The following MYCT1 variants were observed in gnomAD, a reference collection of about 807,000 sequenced individuals.
MYCT1 encodes the protein MYC target 1.
In MYCT1, 12 loss-of-function variants were observed where a neutral mutation model predicts 15.0. The observed-to-expected ratio is 0.80, with a 90% confidence interval of 0.51 to 1.29. The LOEUF is 1.29. MYCT1 is among the 50% of genes most tolerant of loss of function. The pLI is 0.00. For synonymous variants in MYCT1, 104 were observed against 102.7 expected (o/e 1.01, Z -0.07); for missense variants, 287 against 279.1 (o/e 1.03, Z -0.20).
rs1230790746 is a variant in MYCT1 at position 152,722,487 on chromosome 6, T to C, written c.*234T>C. 2.1e-6 allele frequency: 1 copy of C among 467,806 alleles called. No individual in the cohort carries two copies. The highest frequency in any genetic ancestry group is 2.0e-5 in the African/African-American group (1 of 50,418). The allele number at this position is 467,806 out of a possible 1,614,324, so 29.0% of individuals were successfully genotyped here. On this transcript the variant is annotated 3_prime_UTR_variant, in exon 2 of 2. Transcript: ENST00000367245. ...CCCCAAGCGTTTTATATTTATGTAT[T>C]TTGTATTCAATGTGAGGCTTATTAA...
Position 152,723,750 on chromosome 6 carries a change from C to G in MYCT1, c.*1497C>G, listed in dbSNP as rs1375515353. Reference sequence around the variant, plus strand: ...CCAGAGAGTTCCAGTGGGCAGATGTCTGTGGCTGCCCTTCTCATTTAAGGA... The same window carrying G: ...CCAGAGAGTTCCAGTGGGCAGATGTGTGTGGCTGCCCTTCTCATTTAAGGA... On this transcript the variant is annotated 3_prime_UTR_variant, in exon 2 of 2. Transcript: ENST00000367245. The G allele has an allele frequency of 2.6e-5, 4 of 152,192 alleles. No individual in the cohort carries two copies. Among genetic ancestry groups the G allele is most frequent in the African/African-American group, 4.8e-5 (2 of 41,440 alleles). 9.4% of individuals were successfully genotyped at this position (152,192 alleles called of 1,614,324 possible).
At chr6:152,740,004 CCTT>C in the MYCT1 span, among the ~76,000 whole-genome samples, 1 of 151,832 alleles carries the variant, frequency 6.6e-6, no homozygotes, top group African/African-American at 2.4e-5. Flanking sequence ...AATACAGACT[CCTT>C]CTTAAATATT....
At chr6:152,721,675 C>A in intron 1 of MYCT1, 67 bp from the exon 2 acceptor site, 1 of 1,439,080 alleles carries the variant, frequency 6.9e-7, no homozygotes, top group Non-Finnish European at 9.5e-7. Context: ...AGTATATATG[C>A]TGACCCTTGT....
downstream of MYCT1, among the ~76,000 whole-genome samples, chr6:152,725,881 G>A (rs562504923): frequency 6.6e-6 from 1 of 152,190 alleles, no homozygotes; most frequent in African/African-American, 2.4e-5. Context: ...GTGAGTAACC[G>A]ACCGAACTAG....
At chr6:152,715,981 A>T (rs148726652) in intron 1 of MYCT1, among the ~76,000 whole-genome samples, 1 of 152,290 alleles carries the variant, frequency 6.6e-6, no homozygotes, top group Non-Finnish European at 1.5e-5. Flanking sequence ...TTAGAACAGA[A>T]GATTGATATG....
At chr6:152,718,875 T>C (rs1180350409) in intron 1 of MYCT1, among the ~76,000 whole-genome samples, 7 of 152,066 alleles carry the variant, frequency 4.6e-5, no homozygotes, top group Non-Finnish European at 1.0e-4. Flanking sequence ...ATATTTAGAG[T>C]CTTCAGTCAG....
the MYCT1 span, among the ~76,000 whole-genome samples, chr6:152,744,943 T>G: frequency 0.75 from 113,868 of 152,048 alleles, 43,205 homozygotes; most frequent in African/African-American, 0.87. Context: ...AGAAACAGGT[T>G]TAGCTTTAGG....
chr6:152,743,436 G>A, the MYCT1 span, among the ~76,000 whole-genome samples: 10 of 152,160 alleles, frequency 6.6e-5, no homozygotes, highest in Non-Finnish European at 1.5e-4. Context: ...CCTAGGAAGC[G>A]ACTCCCCGTT....
the MYCT1 span, among the ~76,000 whole-genome samples, chr6:152,732,690 A>T: frequency 1.3e-5 from 2 of 152,256 alleles, no homozygotes; most frequent in Non-Finnish European, 2.9e-5. Flanking sequence ...TGTAGTATTT[A>T]TTTATTACAG....
At chr6:152,706,085 C>T (rs923126323) in intron 1 of MYCT1, 19 of 1,521,386 alleles carry the variant, frequency 1.2e-5, no homozygotes, top group Admixed American at 1.7e-5. Context: ...GGAATGGGTG[C>T]AATGGGTGGA....
At chr6:152,736,746 C>T in the MYCT1 span, among the ~76,000 whole-genome samples, 1 of 151,942 alleles carries the variant, frequency 6.6e-6, no homozygotes, top group African/African-American at 2.4e-5. Context: ...TGAGAGTGTG[C>T]TCCATGCTTA....
At chr6:152,700,691 T>TAAA (rs2099721149) in intron 1 of MYCT1, among the ~76,000 whole-genome samples, 1 of 152,154 alleles carries the variant, frequency 6.6e-6, no homozygotes, top group Non-Finnish European at 1.5e-5. Flanking sequence ...GCAGGAAACA[T>TAAA]GGCCCGTGAA....
At chr6:152,706,931 A>G (rs112805619) in intron 1 of MYCT1, among the ~76,000 whole-genome samples, 3 of 151,650 alleles carry the variant, frequency 2.0e-5, no homozygotes, top group African/African-American at 7.3e-5. Flanking sequence ...ACTTAGGTGG[A>G]TTATGTATTT....
At chr6:152,716,136 G>A (rs547783074) in intron 1 of MYCT1, among the ~76,000 whole-genome samples, 21 of 152,264 alleles carry the variant, frequency 1.4e-4, no homozygotes, top group African/African-American at 4.8e-4. Context: ...CAGTGAAGTC[G>A]CAGAGTGGGT....
At chr6:152,701,619 G>C (rs963064701) in intron 1 of MYCT1, among the ~76,000 whole-genome samples, 1 of 151,466 alleles carries the variant, frequency 6.6e-6, no homozygotes, top group African/African-American at 2.4e-5. Flanking sequence ...TATTGGAGAG[G>C]GGGGACCTTT....
rs187953973 is a variant in MYCT1 at position 152,702,376 on chromosome 6, A to G, written c.196+4278A>G. 1.7e-4 allele frequency among the ~76,000 whole-genome samples: 26 copies of G among 152,290 alleles called. No individual in the cohort carries two copies. The East Asian group carries it at 5.0e-3, about 29-fold the overall frequency. ...TTGCAGTAAAAATGTTGGCTTTCAA[A>G]CAATTATTTATTCTATATGTTTAAA... On this transcript the variant is annotated intron_variant, in intron 1 of 1. Coordinates refer to ENST00000367245, the MANE Select transcript of MYCT1 (RefSeq NM_025107.3).
At chr6:152,744,239 T>C in the MYCT1 span, among the ~76,000 whole-genome samples, 12 of 152,348 alleles carry the variant, frequency 7.9e-5, no homozygotes, top group Non-Finnish European at 1.5e-4. Context: ...AAATCAATTG[T>C]TCACCAATTG....
chr6:152,736,811 G>A, the MYCT1 span, among the ~76,000 whole-genome samples: 1 of 152,082 alleles, frequency 6.6e-6, no homozygotes, highest in Non-Finnish European at 1.5e-5. Context: ...AACATATGCT[G>A]TAAGAATCAG....
At chr6:152,746,170 T>C in the MYCT1 span, among the ~76,000 whole-genome samples, 1 of 152,196 alleles carries the variant, frequency 6.6e-6, no homozygotes, top group Non-Finnish European at 1.5e-5. Flanking sequence ...AAATTAGACA[T>C]GGTTGTTTTT....
Sources: allele counts gnomAD v4.1 joint callset (sites outside exome capture counted in the v4.1 genomes callset), GRCh38; gene constraint gnomAD v4.1.1; transcripts MANE v1.5; gene names NCBI Gene and HGNC (gene_info 2026-07-23, HGNC 2026-07-21).